The following COBLL1 variants were observed in gnomAD, a reference collection of about 807,000 sequenced individuals.
The protein encoded by COBLL1 is cordon-bleu WH2 repeat protein like 1.
Under a neutral mutation model 94.8 loss-of-function variants are expected in COBLL1, and 50 were observed. That is an observed-to-expected ratio of 0.53 (90% CI 0.42 to 0.67). The LOEUF is 0.67. Among genes scored for constraint, COBLL1 ranks in the 30% least tolerant of loss-of-function variants. COBLL1 has a pLI of 0.00. For missense variants in COBLL1, 1,362 were observed against 1,348.7 expected, an observed-to-expected ratio of 1.01 and a Z score of -0.15; for synonymous variants, 448 against 473.8, an observed-to-expected ratio of 0.95 and a Z score of 0.71.
intron 2 of COBLL1, among the ~76,000 whole-genome samples, chr2:164,750,355 A>G (rs1245713458): frequency 6.6e-6 from 1 of 152,182 alleles, no homozygotes; most frequent in Non-Finnish European, 1.5e-5. Context: ...TAACTCAAGC[A>G]AAAAAACTCC....
intron 7 of COBLL1, among the ~76,000 whole-genome samples, chr2:164,711,826 T>C (rs1242461826): frequency 6.6e-6 from 1 of 152,210 alleles, no homozygotes; most frequent in African/African-American, 2.4e-5. Context: ...CAGAGGTTTC[T>C]ACTTACTAGG....
At chr2:164,701,929 C>T (rs1472001671) in intron 9 of COBLL1, among the ~76,000 whole-genome samples, 2 of 151,534 alleles carry the variant, frequency 1.3e-5, no homozygotes, top group Non-Finnish European at 2.9e-5. Context: ...GGTGTAGCAT[C>T]CAATTATAGT....
At chr2:164,810,361 T>TA (rs1438295004) in intron 2 of COBLL1, among the ~76,000 whole-genome samples, 4 of 151,554 alleles carry the variant, frequency 2.6e-5, no homozygotes, top group Admixed American at 2.6e-4. Flanking sequence ...ATTTGTATTG[T>TA]AAAAATCCAA....
At chr2:164,674,007 T>C (rs1239976283) in intron 1 of COBLL1, among the ~76,000 whole-genome samples, 2 of 152,200 alleles carry the variant, frequency 1.3e-5, no homozygotes, top group East Asian at 3.8e-4. Flanking sequence ...TTTCTAATGG[T>C]CTATGCCTCA....
intron 2 of COBLL1, among the ~76,000 whole-genome samples, chr2:164,813,708 T>C (rs1392298902): frequency 2.6e-5 from 4 of 152,198 alleles, no homozygotes; most frequent in Non-Finnish European, 4.4e-5. Flanking sequence ...ACTGAACTTA[T>C]TGGGCTGCTG....
chr2:164,744,476 G>A (rs1055828449), intron 2 of COBLL1, among the ~76,000 whole-genome samples: 1 of 151,960 alleles, frequency 6.6e-6, no homozygotes, highest in African/African-American at 2.4e-5. Context: ...CTTTTGGGGG[G>A]TACCAGTTTC....
In COBLL1 at chr2:164,728,131, C is replaced by T. The variant is rs906432561; in HGVS notation, c.499G>A (p.Ala167Thr). 5.6e-6 allele frequency: 9 copies of T among 1,613,676 alleles called. No individual in the cohort carries two copies. In the African/African-American group the frequency reaches 1.2e-4, roughly 22 times the overall value. ...ATAGGGGCAAGCTCTTGAAGCGATGCATGTGGACTCACTCTCACTATGGTC... is the reference window on the plus strand; with the variant it reads ...ATAGGGGCAAGCTCTTGAAGCGATGTATGTGGACTCACTCTCACTATGGTC... ...QKTIVRVSPH[A>T]SLQELAPIIC... The change falls in exon 5 of 14, where the codon GCA (alanine) becomes ACA (threonine). Residue 167 changes from alanine (A) to threonine (T), a missense_variant. Transcript: ENST00000652658.
chr2:164,810,048 ATATG>A (rs1383790338), intron 2 of COBLL1, among the ~76,000 whole-genome samples: 1 of 151,760 alleles, frequency 6.6e-6, no homozygotes, highest in Non-Finnish European at 1.5e-5. Flanking sequence ...ATATAATGGC[ATATG>A]TATGAGGGAA....
intron 13 of COBLL1, among the ~76,000 whole-genome samples, chr2:164,687,034 T>C (rs1172184279): frequency 1.3e-5 from 2 of 152,084 alleles, no homozygotes; most frequent in Non-Finnish European, 2.9e-5. Flanking sequence ...AACTAATGAG[T>C]TTTCTCGATT....
intron 2 of COBLL1, among the ~76,000 whole-genome samples, chr2:164,836,818 A>T (rs1236138168): frequency 6.6e-6 from 1 of 152,182 alleles, no homozygotes; most frequent in Non-Finnish European, 1.5e-5. Flanking sequence ...AAATCTGGTC[A>T]CACACTACAA....
chr2:164,669,059 C>T (rs893647695), intron 1 of COBLL1, among the ~76,000 whole-genome samples: 1 of 152,148 alleles, frequency 6.6e-6, no homozygotes, highest in African/African-American at 2.4e-5. Context: ...CATAGTTTTC[C>T]CCCCAAAAGT....
chr2:164,665,330 C>CAAAAA lies in COBLL1; in HGVS notation n.181+512_181+516dup, dbSNP rs11441643. The stretch of plus-strand genomic sequence containing the variant: ...GGGGTGACAGAGCAAGATTCTGTGT[C>CAAAAA]AAAAAAAAAAAGAAAGAAAGAAAGA... On this transcript the variant is annotated intron_variant and non_coding_transcript_variant, in intron 2 of 2. Transcript: ENST00000495084. 7.4e-4 allele frequency among the ~76,000 whole-genome samples: 90 copies of CAAAAA among 121,694 alleles called. 1 individual carries two copies. The highest frequency in any genetic ancestry group is 5.3e-3 in the South Asian group (19 of 3,598). The allele number at this position is 121,694 out of a possible 152,430, so 79.8% of individuals were successfully genotyped here.
At chr2:164,731,361 C>T (rs546953092) in intron 3 of COBLL1, among the ~76,000 whole-genome samples, 29 of 152,170 alleles carry the variant, frequency 1.9e-4, no homozygotes, top group Middle Eastern at 3.4e-3. Flanking sequence ...ACTTTCATAC[C>T]CAACTTGGAA....
intron 2 of COBLL1, among the ~76,000 whole-genome samples, chr2:164,789,604 C>G (rs1683078780): frequency 6.6e-6 from 1 of 152,110 alleles, no homozygotes; most frequent in Non-Finnish European, 1.5e-5. Flanking sequence ...GAAAACTTAG[C>G]TATTCCATCA....
At position 164,744,028 on chromosome 2, in the gene COBLL1, AT is replaced by A. The variant is rs1225095077; in HGVS notation, c.42-154del. ...TTAACTGTTAGTGTTGGATGGTCGA[AT>A]TAGGATTTTGTTTTCCTTTTCCAGT... On this transcript the variant is annotated intron_variant, in intron 2 of 13. Transcript: ENST00000652658. Among the ~76,000 whole-genome samples, 15 of 152,284 alleles carry A rather than the reference AT, an allele frequency of 9.9e-5. No individual in the cohort carries two copies. The East Asian group carries it at 2.9e-3, about 29-fold the overall frequency.
chr2:164,835,819 A>T (rs1033597807), intron 2 of COBLL1, among the ~76,000 whole-genome samples: 1 of 152,180 alleles, frequency 6.6e-6, no homozygotes, highest in African/African-American at 2.4e-5. Context: ...TTTATACACT[A>T]ACATCATGTT....
chr2:164,739,788 T>G (rs1253017646), intron 3 of COBLL1, among the ~76,000 whole-genome samples: 3 of 152,248 alleles, frequency 2.0e-5, no homozygotes, highest in Non-Finnish European at 2.9e-5. Context: ...TTTGTCATTA[T>G]GAGTCTTCCC....
chr2:164,837,452 A>G (rs1001261987), intron 2 of COBLL1: 1 of 466,580 alleles, frequency 2.1e-6, no homozygotes, highest in Non-Finnish European at 4.4e-6. Flanking sequence ...CTCTTCTCCA[A>G]TGCAGCATTT....
At chr2:164,692,193 T>C in intron 13 of COBLL1, 28 bp downstream of exon 13, 2 of 1,553,544 alleles carry the variant, frequency 1.3e-6, no homozygotes, top group Non-Finnish European at 8.7e-7. Context: ...ATAAACCCAC[T>C]GTCACCCATC....
Sources: gnomAD v4.1 joint callset for allele counts (sites outside exome capture counted in the v4.1 genomes callset) on GRCh38, gnomAD v4.1.1 for gene constraint, MANE v1.5 for transcripts, NCBI Gene and HGNC (gene_info 2026-07-23, HGNC 2026-07-21) for gene names.